Variants in HOXA3 observed in about 807,000 individuals in gnomAD.
The protein encoded by HOXA3 is homeobox protein Hox-A3.
A neutral mutation model predicts 30.3 loss-of-function variants in HOXA3; 8 were observed. The ratio of observed to expected loss-of-function variants is 0.26; its 90% CI spans 0.15 to 0.48. The LOEUF is 0.48. Among genes scored for constraint, HOXA3 ranks in the 20% least tolerant of loss-of-function variants. HOXA3 has a pLI of 0.99. For missense variants in HOXA3, 653 were observed against 614.4 expected (o/e 1.06, Z -0.66); for synonymous variants, 323 against 273.1 (o/e 1.18, Z -1.80).
rs10685970 is a variant in HOXA3, at chr7:27,146,251, T to TTGTGTG, written c.-494+6031_-494+6036dup. Among the ~76,000 whole-genome samples the TTGTGTG allele has an allele frequency of 6.2e-3, 924 of 149,096 alleles. 4 individuals carry two copies. The highest frequency in any genetic ancestry group is 0.01 in the East Asian group (51 of 5,024). On this transcript the variant is annotated intron_variant, in intron 1 of 5. Coordinates refer to ENST00000612286, the MANE Select transcript of HOXA3 (RefSeq NM_153631.3). ...GGGGATGCAGGGTGTGTGTGTGTGT[T>TTGTGTG]TGTGTGTGTGTGTGTGTGTGTGTCT...
Position 27,108,487 on chromosome 7 carries a change from C to T in HOXA3, c.760G>A (p.Gly254Ser). ...TGGCCCCCCGATGACGTTAGCATGC[C>T]CTTGCCCTTCTGATCCTTTTTGTAC... ...MKYKKDQKGK[G>S]MLTSSGGQSP... is the part of the protein sequence containing the mutation. The change falls in exon 6 of 6, where the codon GGC (glycine) becomes AGC (serine). Residue 254 changes from glycine to serine, a missense_variant. Gly to Ser is a moderately conservative substitution (Grantham distance 56, BLOSUM62 0). Coordinates refer to ENST00000612286, the MANE Select transcript of HOXA3 (RefSeq NM_153631.3). This position sits in a 1 kb window ranked among gnomAD's most constrained non-coding sequence, Gnocchi z 5.0. The T allele has an allele frequency of 6.2e-7, 1 of 1,614,128 alleles. No individual in the cohort carries two copies. Among genetic ancestry groups the T allele is most frequent in the Non-Finnish European group, 8.5e-7 (1 of 1,179,990 alleles).
intron 3 of HOXA3, among the ~76,000 whole-genome samples, chr7:27,126,070 A>G (rs1052513636): frequency 6.6e-6 from 1 of 152,192 alleles, no homozygotes; most frequent in Non-Finnish European, 1.5e-5. Flanking sequence ...TAAGTACTCT[A>G]CTATGCCTGT....
chr7:27,108,068 C>T lies in HOXA3; in HGVS notation c.1179G>A (p.Ser393=). The change falls in exon 6 of 6, where the codon TCG becomes TCA. Residue 393 remains serine, a synonymous_variant. Transcript: ENST00000612286. The surrounding 1 kb of genome is among the most constrained non-coding windows in gnomAD (Gnocchi z 5.0). ...FGLTHLPHAA[S]GAMDYGGAGP... is the part of the protein sequence containing the mutation. ...CGGCACCCCCATAGTCCATGGCGCC[C>T]GAGGCAGCGTGGGGGAGGTGAGTTA... 2 of 1,613,048 alleles carry T rather than the reference C, an allele frequency of 1.2e-6. No individual in the cohort carries two copies. Among genetic ancestry groups the T allele is most frequent in the Non-Finnish European group, 8.5e-7 (1 of 1,179,312 alleles).
At chr7:27,125,758 C>T (rs549114290) in intron 3 of HOXA3, among the ~76,000 whole-genome samples, 2 of 152,166 alleles carry the variant, frequency 1.3e-5, no homozygotes, top group Non-Finnish European at 2.9e-5. Flanking sequence ...GGCTTTTTTG[C>T]TACATTGATT....
chr7:27,130,742 G>C, intron 2 of HOXA3: 1 of 1,602,302 alleles, frequency 6.2e-7, no homozygotes, highest in South Asian at 1.1e-5. Context: ...ATTAATTTGT[G>C]AAGTGCAAAA....
intron 1 of HOXA3, among the ~76,000 whole-genome samples, chr7:27,148,539 C>A (rs1782866287): frequency 6.6e-6 from 1 of 152,252 alleles, no homozygotes; most frequent in Non-Finnish European, 1.5e-5. Flanking sequence ...CTCCCACATA[C>A]ACATCCTGTT....
chr7:27,128,791 A>G (rs1785389652), intron 2 of HOXA3: 1 of 215,044 alleles, frequency 4.7e-6, no homozygotes, highest in South Asian at 8.8e-5. Context: ...AGTTAAATAC[A>G]AGCTTGGATG....
chr7:27,143,137 G>C, intron 1 of HOXA3: 1 of 1,608,028 alleles, frequency 6.2e-7, no homozygotes, highest in Non-Finnish European at 8.5e-7. Flanking sequence ...TCGCCTGCTC[G>C]CTGCTGGCAG....
intron 4 of HOXA3, chr7:27,119,539 C>A (rs1784905247): frequency 6.6e-6 from 1 of 152,192 alleles, no homozygotes; most frequent in Non-Finnish European, 1.5e-5. Flanking sequence ...GTCTAAAAAT[C>A]TTCTCTTTTC....
In HOXA3 at chr7:27,147,374, C is replaced by G. The variant is rs1285459613; in HGVS notation, c.-494+4914G>C. On this transcript the variant is annotated intron_variant, in intron 1 of 5. Coordinates refer to ENST00000612286, the MANE Select transcript of HOXA3 (RefSeq NM_153631.3). ...CTCGTGTACTTCCGGTCGGCGCCTT[C>G]GTCATGGAGTGCTTTGCCCTGCCCG... 3.7e-6 allele frequency: 6 copies of G among 1,614,090 alleles called. No homozygotes were observed. In the South Asian group the frequency reaches 5.5e-5, roughly 15 times the overall value.
intron 1 of HOXA3, chr7:27,141,884 T>G: frequency 2.5e-6 from 4 of 1,614,228 alleles, no homozygotes; most frequent in African/African-American, 1.3e-5. Flanking sequence ...GCTTTTCAGC[T>G]TATTATCTTT....
chr7:27,114,771 AGGG>A (rs1784583190), intron 4 of HOXA3, among the ~76,000 whole-genome samples: 1 of 133,182 alleles, frequency 7.5e-6, no homozygotes, highest in South Asian at 2.3e-4. Context: ...ACACACACGC[AGGG>A]CAGAGGAATA....
intron 2 of HOXA3, among the ~76,000 whole-genome samples, chr7:27,135,191 T>A (rs1286250700): frequency 2.6e-5 from 4 of 152,032 alleles, no homozygotes; most frequent in Non-Finnish European, 5.9e-5. Flanking sequence ...CTTTTTTTTT[T>A]AATTCCACGT....
intron 4 of HOXA3, chr7:27,115,723 C>A (rs1784686929): frequency 6.6e-6 from 1 of 152,274 alleles, no homozygotes; most frequent in African/African-American, 2.4e-5. Context: ...CCGTGGGAGC[C>A]CAGGGAGATC....
At chr7:27,132,328 A>G (rs1206058011) in intron 2 of HOXA3, among the ~76,000 whole-genome samples, 1 of 152,258 alleles carries the variant, frequency 6.6e-6, no homozygotes, top group Non-Finnish European at 1.5e-5. Context: ...GAGACACTTG[A>G]AAAGGAATGT....
intron 2 of HOXA3, among the ~76,000 whole-genome samples, chr7:27,135,754 G>A (rs975872947): frequency 6.6e-6 from 1 of 152,160 alleles, no homozygotes; most frequent in Non-Finnish European, 1.5e-5. Flanking sequence ...TTGGAAACTT[G>A]TGACATTAGT....
intron 2 of HOXA3, chr7:27,129,102 C>T: frequency 2.7e-6 from 2 of 738,970 alleles, no homozygotes; most frequent in Non-Finnish European, 2.4e-6. Context: ...ATTCTTTTCA[C>T]CAATTTGGGT....
intron 5 of HOXA3, among the ~76,000 whole-genome samples, chr7:27,109,215 A>G (rs768187091): frequency 6.6e-6 from 1 of 152,162 alleles, no homozygotes; most frequent in Non-Finnish European, 1.5e-5. Flanking sequence ...CAGACTGGAA[A>G]CCTCAAACTG....
At chr7:27,125,807 G>A (rs138090719) in intron 3 of HOXA3, among the ~76,000 whole-genome samples, 68 of 152,336 alleles carry the variant, frequency 4.5e-4, no homozygotes, top group Admixed American at 1.4e-3. Context: ...AAGAGTCATT[G>A]ATCTGTTTCT....
Sources: allele counts gnomAD v4.1 joint callset (sites outside exome capture counted in the v4.1 genomes callset), GRCh38; gene constraint gnomAD v4.1.1; non-coding constraint Gnocchi (gnomAD v3.1); transcripts MANE v1.5; gene names NCBI Gene and HGNC (gene_info 2026-07-23, HGNC 2026-07-21).